The following IMMP2L variants were observed in gnomAD, a reference collection of about 807,000 sequenced individuals.
IMMP2L encodes the protein inner mitochondrial membrane peptidase subunit 2.
In IMMP2L, 18 loss-of-function variants were observed where a neutral mutation model predicts 19.3. The ratio of observed to expected loss-of-function variants is 0.93; its 90% confidence interval spans 0.64 to 1.38. The LOEUF is 1.38. Among genes scored for constraint, IMMP2L ranks in the 40% most tolerant of loss-of-function variants. The pLI, the probability that IMMP2L is intolerant of heterozygous loss-of-function variation, is 0.00. For missense variants in IMMP2L, 233 were observed against 218.2 expected (o/e 1.07, Z -0.43); for synonymous variants, 76 against 73.0 (o/e 1.04, Z -0.21).
chr7:110,973,101 A>G (rs1820323011), intron 3 of IMMP2L, among the ~76,000 whole-genome samples: 1 of 151,900 alleles, frequency 6.6e-6, no homozygotes, highest in African/African-American at 2.4e-5. Flanking sequence ...GATCTATTGT[A>G]CAGTGTGGTG....
chr7:110,783,698 T>C (rs770946971), intron 5 of IMMP2L, among the ~76,000 whole-genome samples: 11 of 151,920 alleles, frequency 7.2e-5, no homozygotes, highest in South Asian at 6.2e-4. Context: ...AAGAAGTCTG[T>C]CTCAGGTTAC....
intron 5 of IMMP2L, among the ~76,000 whole-genome samples, chr7:110,882,542 A>G (rs1809794463): frequency 6.6e-6 from 1 of 151,854 alleles, no homozygotes; most frequent in Non-Finnish European, 1.5e-5. Context: ...CACCACACCC[A>G]GCTGATTTTT....
chr7:111,469,219 GATT>G (rs1840977536), intron 3 of IMMP2L, among the ~76,000 whole-genome samples: 1 of 152,080 alleles, frequency 6.6e-6, no homozygotes. Flanking sequence ...TTTGATTTAG[GATT>G]GACTTGGCGA....
At chr7:111,445,163 C>G (rs765604067) in intron 3 of IMMP2L, among the ~76,000 whole-genome samples, 1 of 151,886 alleles carries the variant, frequency 6.6e-6, no homozygotes, top group Non-Finnish European at 1.5e-5. Flanking sequence ...CACAATTATC[C>G]TTCTCTAGAT....
chr7:111,128,449 AG>A (rs1228019034), intron 3 of IMMP2L, among the ~76,000 whole-genome samples: 5 of 152,176 alleles, frequency 3.3e-5, no homozygotes, highest in African/African-American at 4.8e-5. Flanking sequence ...TTGATGTAAA[AG>A]CTTGCTTCAA....
rs569812164 is a variant in IMMP2L, at chr7:111,071,839, TGCCA to T, written c.240-108278_240-108275del. The stretch of plus-strand genomic sequence containing the variant: ...TGTACAACACTGTCAATGCATTAAA[TGCCA>T]GCAAATTTATACATTGTACATTTAT... On this transcript the variant is annotated intron_variant, in intron 3 of 5. Transcript: ENST00000405709. 1.6e-4 allele frequency among the ~76,000 whole-genome samples: 24 copies of T among 152,296 alleles called. No individual in the cohort carries two copies. In the South Asian group the frequency reaches 2.3e-3, roughly 14 times the overall value.
At chr7:111,083,130 T>G (rs1055603711) in intron 3 of IMMP2L, among the ~76,000 whole-genome samples, 1 of 152,212 alleles carries the variant, frequency 6.6e-6, no homozygotes, top group East Asian at 1.9e-4. Context: ...GTTTTATGTA[T>G]GTGTATCGAT....
rs538868889 is a variant in IMMP2L at position 111,147,115 on chromosome 7, A to C, written c.240-183550T>G. On this transcript the variant is annotated intron_variant, in intron 3 of 5. Transcript: ENST00000405709. Reference sequence around the variant, plus strand: ...GCTAATCTTGTTTTAGAGACTCAATATTCTCTCAAATTATTTGGAAGAATT... The same window carrying C: ...GCTAATCTTGTTTTAGAGACTCAATCTTCTCTCAAATTATTTGGAAGAATT... Among the ~76,000 whole-genome samples the C allele has an allele frequency of 5.9e-5, 9 of 152,206 alleles. No individual in the cohort carries two copies. In the South Asian group the frequency reaches 1.7e-3, roughly 28 times the overall value.
chr7:110,923,805 A>T (rs2129550783), intron 4 of IMMP2L, among the ~76,000 whole-genome samples: 1 of 152,260 alleles, frequency 6.6e-6, no homozygotes, highest in South Asian at 2.1e-4. Flanking sequence ...ATATGACATT[A>T]TTCTTTGTTT....
chr7:110,720,860 G>C (rs571170931), intron 5 of IMMP2L, among the ~76,000 whole-genome samples: 6 of 152,150 alleles, frequency 3.9e-5, no homozygotes, highest in African/African-American at 1.4e-4. Flanking sequence ...ATTTAAAAGT[G>C]AATTTTCATT....
Position 110,680,339 on chromosome 7 carries a change from T to A in IMMP2L, c.409-16618A>T, listed in dbSNP as rs536050300. 2.6e-5 allele frequency among the ~76,000 whole-genome samples: 4 copies of A among 152,304 alleles called. No individual in the cohort carries two copies. In the East Asian group the frequency reaches 7.7e-4, roughly 29 times the overall value. Reference sequence around the variant, plus strand: ...CTATTGCTACATGTCTGCAAGTGAATGATGAGCTAGATGAGTGATCCACTC... The same window carrying A: ...CTATTGCTACATGTCTGCAAGTGAAAGATGAGCTAGATGAGTGATCCACTC... On this transcript the variant is annotated intron_variant, in intron 5 of 5. Coordinates refer to ENST00000405709, the MANE Select transcript of IMMP2L (RefSeq NM_032549.4).
intron 3 of IMMP2L, among the ~76,000 whole-genome samples, chr7:111,054,947 A>T: frequency 6.6e-6 from 1 of 152,214 alleles, no homozygotes; most frequent in East Asian, 1.9e-4. Context: ...GCAATAAATT[A>T]GGAAACAAAA....
chr7:111,497,670 T>G (rs1029346015), intron 2 of IMMP2L, among the ~76,000 whole-genome samples: 1 of 151,942 alleles, frequency 6.6e-6, no homozygotes. Flanking sequence ...GAGAGTAACT[T>G]ATAATGGTTT....
chr7:110,942,141 C>T (rs1471774899), intron 4 of IMMP2L, among the ~76,000 whole-genome samples: 1 of 151,886 alleles, frequency 6.6e-6, no homozygotes, highest in Non-Finnish European at 1.5e-5. Flanking sequence ...ATAAGCTCAC[C>T]ACTTATTTTT....
chr7:110,999,787 G>A (rs940693876), intron 3 of IMMP2L, among the ~76,000 whole-genome samples: 4 of 152,058 alleles, frequency 2.6e-5, no homozygotes, highest in African/African-American at 9.7e-5. Context: ...TTGCTGTTGT[G>A]GGCTTCCTCT....
intron 3 of IMMP2L, among the ~76,000 whole-genome samples, chr7:111,449,950 C>G (rs1044004590): frequency 7.1e-6 from 1 of 141,484 alleles, no homozygotes; most frequent in East Asian, 2.0e-4. Context: ...TGAGTGAACT[C>G]CCATTCACAA....
At chr7:111,487,186 A>C in intron 3 of IMMP2L, 52 bp downstream of exon 3, 1 of 804,132 alleles carries the variant, frequency 1.2e-6, no homozygotes, top group Non-Finnish European at 2.1e-6. Context: ...TTAAATCAGC[A>C]TAAGTATAAA....
At chr7:111,006,373 A>G (rs1410156898) in intron 3 of IMMP2L, among the ~76,000 whole-genome samples, 5 of 152,148 alleles carry the variant, frequency 3.3e-5, no homozygotes, top group Non-Finnish European at 5.9e-5. Flanking sequence ...TGTATTTTAT[A>G]ATGCATAATT....
At chr7:110,797,644 T>A (rs1372113704) in intron 5 of IMMP2L, among the ~76,000 whole-genome samples, 1 of 152,022 alleles carries the variant, frequency 6.6e-6, no homozygotes, top group African/African-American at 2.4e-5. Flanking sequence ...TAAGAATATC[T>A]GCCATTCTAA....
Sources: gnomAD v4.1 joint callset for allele counts (sites outside exome capture counted in the v4.1 genomes callset) on GRCh38, gnomAD v4.1.1 for gene constraint, MANE v1.5 for transcripts, NCBI Gene and HGNC (gene_info 2026-07-23, HGNC 2026-07-21) for gene names.